Variants in XKR6 observed in about 807,000 individuals in gnomAD.
XKR6 encodes the protein XK-related protein 6.
In XKR6, 22 loss-of-function variants were observed where a neutral mutation model predicts 56.7. That is an observed-to-expected ratio of 0.39 (90% confidence interval 0.28 to 0.55). The LOEUF (loss-of-function observed/expected upper bound fraction) is 0.55. XKR6 is among the 20% of genes least tolerant of loss of function. The pLI, the probability that XKR6 is intolerant of heterozygous loss-of-function variation, is 0.66. For missense variants in XKR6, 852 were observed against 889.0 expected, an observed-to-expected ratio of 0.96 and a Z score of 0.53; for synonymous variants, 524 against 387.8, an observed-to-expected ratio of 1.35 and a Z score of -4.13.
At chr8:11,072,595 G>A (rs953984979) in intron 1 of XKR6, among the ~76,000 whole-genome samples, 1 of 152,178 alleles carries the variant, frequency 6.6e-6, no homozygotes, top group African/African-American at 2.4e-5. Context: ...GAGAGAGAAG[G>A]GAGAGAACTC....
chr8:10,937,822 T>C (rs991680706), intron 1 of XKR6, among the ~76,000 whole-genome samples: 37 of 151,966 alleles, frequency 2.4e-4, no homozygotes, highest in African/African-American at 4.8e-4. Context: ...GACAGGGACA[T>C]TTAAGTCTGC....
chr8:11,038,314 G>A (rs183857034), intron 1 of XKR6, among the ~76,000 whole-genome samples: 362 of 152,214 alleles, frequency 2.4e-3, no homozygotes, highest in Admixed American at 4.7e-3. Flanking sequence ...AGGACACCCC[G>A]CTCATTTTAT....
intron 1 of XKR6, among the ~76,000 whole-genome samples, chr8:11,144,350 A>G (rs1470503103): frequency 6.6e-6 from 1 of 150,642 alleles, no homozygotes; most frequent in African/African-American, 2.5e-5. Context: ...GAAAGACAGA[A>G]GTGAGAAGTG....
chr8:10,899,338 C>T (rs530999299), intron 2 of XKR6, among the ~76,000 whole-genome samples: 25 of 152,350 alleles, frequency 1.6e-4, no homozygotes, highest in African/African-American at 3.6e-4. Flanking sequence ...CAGGAGGAAT[C>T]GCCAATTGTG....
chr8:11,199,878 T>C (rs190383535), intron 1 of XKR6, among the ~76,000 whole-genome samples: 11 of 152,258 alleles, frequency 7.2e-5, no homozygotes, highest in Admixed American at 3.9e-4. Context: ...ACTGATTTTC[T>C]GGAGGTGAGA....
intron 1 of XKR6, among the ~76,000 whole-genome samples, chr8:11,165,497 G>C (rs1450794266): frequency 1.3e-5 from 2 of 152,122 alleles, no homozygotes; most frequent in African/African-American, 4.8e-5. Context: ...GGACACACAA[G>C]GTGAGGGCAA....
intron 1 of XKR6, among the ~76,000 whole-genome samples, chr8:11,052,501 C>T (rs935369181): frequency 3.9e-5 from 6 of 152,118 alleles, no homozygotes; most frequent in African/African-American, 9.7e-5. Flanking sequence ...GCAGATGGCG[C>T]GAGGTAAGGC....
Position 11,059,620 on chromosome 8 carries a change from C to A in XKR6, c.765-134790G>T, listed in dbSNP as rs374333171. On this transcript the variant is annotated intron_variant, in intron 1 of 2. Coordinates refer to ENST00000416569, the MANE Select transcript of XKR6 (RefSeq NM_173683.4). The stretch of plus-strand genomic sequence containing the variant: ...TGGAGGAGGAGCAGGGCGCTGGGGG[C>A]GCGGGGGGCGCGGGGCGGGGCGGGA... Among the ~76,000 whole-genome samples, 44 of 150,774 alleles carry A rather than the reference C, an allele frequency of 2.9e-4. No individual in the cohort carries two copies. In the East Asian group the frequency reaches 6.7e-3, roughly 23 times the overall value.
chr8:10,936,162 CTTT>C (rs1369858669), intron 1 of XKR6, among the ~76,000 whole-genome samples: 1 of 149,196 alleles, frequency 6.7e-6, no homozygotes, highest in Non-Finnish European at 1.5e-5. Flanking sequence ...TAATGGCCTT[CTTT>C]GTCTCTTTTG....
chr8:11,094,800 C>A (rs933332768), intron 1 of XKR6, among the ~76,000 whole-genome samples: 2 of 152,186 alleles, frequency 1.3e-5, no homozygotes, highest in East Asian at 3.8e-4. Context: ...AAGTTACTTA[C>A]CCAAAGCCCA....
At chr8:10,923,591 G>A (rs1218382702) in intron 2 of XKR6, among the ~76,000 whole-genome samples, 1 of 152,240 alleles carries the variant, frequency 6.6e-6, no homozygotes, top group South Asian at 2.1e-4. Flanking sequence ...CCTACAGAGG[G>A]CCAGCTTGGA....
chr8:11,065,555 C>T (rs1799955034), intron 1 of XKR6, among the ~76,000 whole-genome samples: 1 of 152,032 alleles, frequency 6.6e-6, no homozygotes, highest in African/African-American at 2.4e-5. Context: ...TTTTCTTTCA[C>T]TCTATTTGCA....
intron 1 of XKR6, among the ~76,000 whole-genome samples, chr8:10,947,340 C>T (rs182825842): frequency 1.3e-5 from 2 of 152,230 alleles, no homozygotes; most frequent in Non-Finnish European, 1.5e-5. Context: ...AACGTCCAGG[C>T]CAGGAGCCCA....
At chr8:11,176,840 C>T (rs781321418) in intron 1 of XKR6, among the ~76,000 whole-genome samples, 11 of 152,154 alleles carry the variant, frequency 7.2e-5, no homozygotes, top group Non-Finnish European at 1.5e-4. Context: ...GGTAGCTGGA[C>T]GCTGGGCAAA....
rs73535420 is a variant in XKR6, at chr8:10,918,574, G to A, written c.961+6060C>T. On this transcript the variant is annotated intron_variant, in intron 2 of 2. Transcript: ENST00000416569. ...GTCTCCTCCAGACTCAGCCACAGCC[G>A]TCCTTGCTTATGGGCACAGGTTTTA... Among the ~76,000 whole-genome samples, 15 of 152,318 alleles carry A rather than the reference G, an allele frequency of 9.8e-5. 1 individual carries two copies. The highest frequency in any genetic ancestry group is 3.1e-4 in the African/African-American group (13 of 41,566).
intron 1 of XKR6, among the ~76,000 whole-genome samples, chr8:11,007,432 T>G (rs985983261): frequency 1.1e-4 from 16 of 152,332 alleles, no homozygotes; most frequent in African/African-American, 3.8e-4. Flanking sequence ...AAGGATCATC[T>G]GATGCCTAAA....
intron 2 of XKR6, among the ~76,000 whole-genome samples, chr8:10,902,192 G>A (rs570701332): frequency 2.2e-4 from 33 of 152,336 alleles, no homozygotes; most frequent in African/African-American, 7.7e-4. Flanking sequence ...AACTTACAAG[G>A]AGGGCTTGGG....
intron 1 of XKR6, among the ~76,000 whole-genome samples, chr8:10,966,628 C>T (rs371819988): frequency 6.6e-5 from 10 of 152,140 alleles, no homozygotes; most frequent in African/African-American, 2.2e-4. Flanking sequence ...GAGCTGAGAT[C>T]GCACCACTAC....
chr8:10,906,091 G>C (rs767415429), intron 2 of XKR6, among the ~76,000 whole-genome samples: 1 of 152,172 alleles, frequency 6.6e-6, no homozygotes, highest in South Asian at 2.1e-4. Flanking sequence ...ACTGAAACCC[G>C]AGACTATTTC....
Sources: gnomAD v4.1 joint callset for allele counts (sites outside exome capture counted in the v4.1 genomes callset) on GRCh38, gnomAD v4.1.1 for gene constraint, MANE v1.5 for transcripts, NCBI Gene and HGNC (gene_info 2026-07-23, HGNC 2026-07-21) for gene names.